Variants in AMPD3 observed in about 807,000 individuals in gnomAD.
AMPD3 encodes the protein AMP deaminase 3.
In AMPD3, 57 loss-of-function variants were observed where a neutral mutation model predicts 82.3. The ratio of observed to expected loss-of-function variants is 0.69; its 90% CI spans 0.56 to 0.86. The LOEUF (loss-of-function observed/expected upper bound fraction) is 0.86. AMPD3 is among the 40% of genes least tolerant of loss of function. The pLI is 0.00. For missense variants in AMPD3, 870 were observed against 1,003.8 expected (o/e 0.87, Z 1.80); for synonymous variants, 381 against 394.7 (o/e 0.97, Z 0.41).
chr11:10,466,679 G>C (rs1007617699), intron 2 of AMPD3, among the ~76,000 whole-genome samples: 5 of 152,346 alleles, frequency 3.3e-5, no homozygotes, highest in Admixed American at 3.3e-4. Context: ...CCAGCACAGC[G>C]TTCAAGCTCT....
In AMPD3 at chr11:10,505,142, C is replaced by T. The variant is rs1039231573; in HGVS notation, c.2127+483C>T. On this transcript the variant is annotated intron_variant, in intron 14 of 14. Transcript: ENST00000396553. ...AAAAATCTAGACTATGGGACTCAGA[C>T]ATCTGTCATTTTTTAAAAAGCCTGA... 1.3e-5 allele frequency: 13 copies of T among 985,274 alleles called. No homozygotes were observed. The South Asian group carries it at 5.2e-4, about 39-fold the overall frequency. The allele number at this position is 985,274 out of a possible 1,614,324, so 61.0% of individuals were successfully genotyped here.
In AMPD3 at chr11:10,487,119, G is replaced by A. The variant is rs550929585; in HGVS notation, c.810-116G>A. 2.1e-4 allele frequency: 324 copies of A among 1,578,684 alleles called. 1 individual carries two copies. The African/African-American group carries it at 3.4e-3, about 17-fold the overall frequency. Reference sequence around the variant, plus strand: ...TAGAAAGCCAGAACCTCCTCATTCCGCCCTGCTCCGTCCTGACCCTTCCAG... The same window carrying A: ...TAGAAAGCCAGAACCTCCTCATTCCACCCTGCTCCGTCCTGACCCTTCCAG... On this transcript the variant is annotated intron_variant, in intron 5 of 14. Coordinates refer to ENST00000396553, the MANE Select transcript of AMPD3 (RefSeq NM_001025389.2).
intron 6 of AMPD3, chr11:10,488,509 A>G: frequency 2.4e-6 from 2 of 816,406 alleles, no homozygotes; most frequent in Non-Finnish European, 3.0e-6. Flanking sequence ...ACATAACTGC[A>G]AGCAGTGTGG....
At chr11:10,478,894 G>A (rs1467057857) in intron 3 of AMPD3, among the ~76,000 whole-genome samples, 164 bp downstream of exon 3, 1 of 152,100 alleles carries the variant, frequency 6.6e-6, no homozygotes, top group Non-Finnish European at 1.5e-5. Flanking sequence ...CAGAGGTTGT[G>A]GGGTGTGGGT....
chr11:10,489,263 G>A (rs1033080498), intron 6 of AMPD3, among the ~76,000 whole-genome samples: 4 of 152,178 alleles, frequency 2.6e-5, no homozygotes, highest in African/African-American at 9.7e-5. Context: ...CCAGGCCCGT[G>A]TTCAAAGAAA....
chr11:10,462,352 A>C (rs1007146574), intron 2 of AMPD3, among the ~76,000 whole-genome samples: 1 of 152,144 alleles, frequency 6.6e-6, no homozygotes, highest in Non-Finnish European at 1.5e-5. Flanking sequence ...CAGAGATTAG[A>C]CACAGTAAGG....
At chr11:10,481,930 G>C in intron 3 of AMPD3, 133 bp from the exon 4 acceptor site, 2 of 1,035,322 alleles carry the variant, frequency 1.9e-6, no homozygotes, top group Non-Finnish European at 3.0e-6. Flanking sequence ...ATTGGTCAAG[G>C]AGTGGTGAGA....
chr11:10,472,628 A>G (rs540967002), intron 2 of AMPD3, among the ~76,000 whole-genome samples: 1 of 152,350 alleles, frequency 6.6e-6, no homozygotes, highest in East Asian at 1.9e-4. Context: ...TGTGAAAATA[A>G]GAATGGGGAA....
intron 13 of AMPD3, chr11:10,503,980 A>G (rs1044452127): frequency 8.9e-5 from 88 of 985,248 alleles, no homozygotes; most frequent in Non-Finnish European, 1.1e-4. Context: ...ATGAATAGAC[A>G]CTTCACATCC....
At chr11:10,490,697 C>A (rs1849215135) in intron 6 of AMPD3, 1 of 957,880 alleles carries the variant, frequency 1.0e-6, no homozygotes, top group Admixed American at 6.2e-5. Context: ...GGGGTAAGGA[C>A]AGGCTGACCC....
In AMPD3 at chr11:10,502,733, C is replaced by T. The variant is rs1166300522; in HGVS notation, c.1855C>T (p.Gln619Ter). 1.9e-6 allele frequency: 3 copies of T among 1,614,172 alleles called. No homozygotes were observed. In the South Asian group the frequency reaches 3.3e-5, roughly 18 times the overall value. The stretch of plus-strand genomic sequence containing the variant: ...GGTTCTTTTGCAGAGTCCGGTATTG[C>T]AGTATCTCTACTACCTTGCTCAGAT... The part of the protein sequence containing the change: ...GLLLKKSPVL[Q>*]YLYYLAQIPI... Residue 619 changes from glutamine (Q) to a stop codon, truncating the protein, a stop_gained, in exon 13 of 15, where the codon CAG becomes TAG. Coordinates refer to ENST00000396553, the MANE Select transcript of AMPD3 (RefSeq NM_001025389.2). LOFTEE classifies it high-confidence loss of function.
intron 6 of AMPD3, among the ~76,000 whole-genome samples, chr11:10,487,808 C>G (rs866604210): frequency 1.3e-5 from 2 of 152,040 alleles, no homozygotes; most frequent in East Asian, 3.9e-4. Flanking sequence ...TGAGAACATG[C>G]GGTGTTTGGT....
rs773226493 is a variant in AMPD3 at position 10,461,515 on chromosome 11, C to T, written c.-5C>T. 2 of 1,614,168 alleles carry T rather than the reference C, an allele frequency of 1.2e-6. No individual in the cohort carries two copies. The highest frequency in any genetic ancestry group is 2.2e-5 in the South Asian group (2 of 91,082). ...TTCATGCTTGTTCTTTCTTTGCTAGCTGAGATGCCGCGGCAGTTTCCCAAG... is the reference window on the plus strand; with the variant it reads ...TTCATGCTTGTTCTTTCTTTGCTAGTTGAGATGCCGCGGCAGTTTCCCAAG... On this transcript the variant is annotated splice_region_variant and 5_prime_UTR_variant, in exon 2 of 15. Coordinates refer to ENST00000396553, the MANE Select transcript of AMPD3 (RefSeq NM_001025389.2).
chr11:10,456,923 G>T lies in AMPD3; in HGVS notation c.-6+1475G>T, dbSNP rs1370793850. Among the ~76,000 whole-genome samples the T allele has an allele frequency of 3.3e-5, 5 of 151,860 alleles. No individual in the cohort carries two copies. Among genetic ancestry groups the T allele is most frequent in the Non-Finnish European group, 7.4e-5 (5 of 67,998 alleles). ...TGCAGCACCCCAAGTGGGTTACTTGGTCCATACTAAGATATGGAATTAATT... is the reference window on the plus strand; with the variant it reads ...TGCAGCACCCCAAGTGGGTTACTTGTTCCATACTAAGATATGGAATTAATT... On this transcript the variant is annotated intron_variant, in intron 1 of 14. Transcript: ENST00000396553. This position sits in a 1 kb window ranked among gnomAD's most constrained non-coding sequence, Gnocchi z 4.3.
At chr11:10,479,861 T>C (rs1340361958) in intron 3 of AMPD3, 1 of 979,648 alleles carries the variant, frequency 1.0e-6, no homozygotes, top group Non-Finnish European at 1.2e-6. Flanking sequence ...CATAGCTTAT[T>C]TTAATTAAGT....
At chr11:10,495,066 G>A (rs1849352657) in intron 8 of AMPD3, 36 bp downstream of exon 8, 3 of 1,613,824 alleles carry the variant, frequency 1.9e-6, no homozygotes, top group Non-Finnish European at 2.5e-6. Context: ...GGCCTCTCAG[G>A]TGCCTCCCAA....
At chr11:10,500,675 C>T (rs756663867) in intron 11 of AMPD3, 72 of 985,328 alleles carry the variant, frequency 7.3e-5, no homozygotes, top group South Asian at 9.4e-5. Flanking sequence ...TGCATATTTT[C>T]GTTCAGCAAA....
intron 1 of AMPD3, chr11:10,461,141 T>C: frequency 8.3e-7 from 1 of 1,200,050 alleles, no homozygotes; most frequent in South Asian, 1.6e-5. Context: ...AGTATCCTCA[T>C]AGTCTGGAGG....
Position 10,482,056 on chromosome 11 carries a change from T to G in AMPD3, c.427-7T>G. 1 of 1,614,198 alleles carries G rather than the reference T, an allele frequency of 6.2e-7. No homozygotes were observed. Among genetic ancestry groups the G allele is most frequent in the East Asian group, 2.2e-5 (1 of 44,886 alleles). On this transcript the variant is annotated splice_polypyrimidine_tract_variant and splice_region_variant and intron_variant, in intron 3 of 14. Transcript: ENST00000396553. ...TGAACCCTTTCCTGCCTGCCTCCCT[T>G]CTGCAGATCACTTTGGAGGACTATG...
Sources: allele counts gnomAD v4.1 joint callset (sites outside exome capture counted in the v4.1 genomes callset), GRCh38; gene constraint gnomAD v4.1.1; non-coding constraint Gnocchi (gnomAD v3.1); transcripts MANE v1.5; gene names NCBI Gene and HGNC (gene_info 2026-07-23, HGNC 2026-07-21).